The following IL1RAPL1 variants were observed in gnomAD, a reference collection of about 807,000 sequenced individuals.
The protein encoded by IL1RAPL1 is interleukin 1 receptor accessory protein like 1, also known as interleukin-1 receptor accessory protein-like 1.
A neutral mutation model predicts 48.4 loss-of-function variants in IL1RAPL1; 3 were observed. The observed-to-expected ratio is 0.06, with a 90% CI of 0.03 to 0.16. The LOEUF (loss-of-function observed/expected upper bound fraction) is 0.16, where lower values mean the gene tolerates loss of function less well. IL1RAPL1 is among the 10% of genes least tolerant of loss of function. The pLI, the probability that IL1RAPL1 is intolerant of heterozygous loss-of-function variation, is 1.00. For missense variants in IL1RAPL1, 349 were observed against 530.6 expected (o/e 0.66, Z 3.36); for synonymous variants, 185 against 187.7 (o/e 0.99, Z 0.12).
rs760037359 is a variant in IL1RAPL1 at position 29,838,828 on chromosome X, GTTC to G, written c.779-78631_779-78629del. ...AATTTGGGGTGGGCTCAGCCAGGTG[GTTC>G]TTCTGGTTTAGGCCAGGCTCATTTG... is the stretch of plus-strand genomic sequence containing the variant. On this transcript the variant is annotated intron_variant, in intron 6 of 10. Transcript: ENST00000378993. Among the ~76,000 whole-genome samples, 14 of 111,995 alleles carry G rather than the reference GTTC, an allele frequency of 1.3e-4. No individual in the cohort carries two copies. In the South Asian group the frequency reaches 5.3e-3, roughly 42 times the overall value.
At chrX:28,738,047 C>G (rs1328818909) in intron 1 of IL1RAPL1, among the ~76,000 whole-genome samples, 2 of 111,892 alleles carry the variant, frequency 1.8e-5, no homozygotes, top group Non-Finnish European at 3.8e-5. Flanking sequence ...ATTATCCATT[C>G]AGATAATTGC....
chrX:29,720,673 A>G (rs1245862068), intron 6 of IL1RAPL1, among the ~76,000 whole-genome samples: 1 of 111,163 alleles, frequency 9.0e-6, no homozygotes, highest in Non-Finnish European at 1.9e-5. Context: ...TGATGGGTGC[A>G]GCAAACTACC....
At chrX:29,120,589 G>A (rs934589590) in intron 2 of IL1RAPL1, among the ~76,000 whole-genome samples, 2 of 111,274 alleles carry the variant, frequency 1.8e-5, no homozygotes, top group African/African-American at 6.5e-5. Context: ...CTCTGATTTT[G>A]TTCTTTTCAC....
intron 1 of IL1RAPL1, among the ~76,000 whole-genome samples, chrX:28,742,276 A>G (rs1403334793): frequency 9.0e-6 from 1 of 111,495 alleles, no homozygotes; most frequent in Non-Finnish European, 1.9e-5. Context: ...AGCTAATGCC[A>G]GACAAGACGG....
chrX:29,442,914 G>A (rs1934564788), intron 5 of IL1RAPL1, among the ~76,000 whole-genome samples: 1 of 104,441 alleles, frequency 9.6e-6, no homozygotes, highest in African/African-American at 3.5e-5. Context: ...AATAGTTACT[G>A]ATCTTTAGAT....
At chrX:29,747,256 T>C (rs1211376706) in intron 6 of IL1RAPL1, among the ~76,000 whole-genome samples, 2 of 112,361 alleles carry the variant, frequency 1.8e-5, no homozygotes, top group African/African-American at 3.2e-5. Context: ...TCTTACTCCA[T>C]TGTGAATTTC....
intron 6 of IL1RAPL1, among the ~76,000 whole-genome samples, chrX:29,714,995 C>G (rs1226692245): frequency 8.9e-6 from 1 of 112,182 alleles, no homozygotes; most frequent in Non-Finnish European, 1.9e-5. Context: ...TCAGATCATC[C>G]TCTTTCCAGG....
chrX:29,186,072 C>T (rs1036928179), intron 2 of IL1RAPL1, among the ~76,000 whole-genome samples: 3 of 111,908 alleles, frequency 2.7e-5, no homozygotes, highest in Non-Finnish European at 5.6e-5. Flanking sequence ...TAGGTGTTTA[C>T]ATAACAGCCT....
chrX:29,803,594 TGTGTGTATATATACAC>T (rs963988625), intron 6 of IL1RAPL1, among the ~76,000 whole-genome samples: 4 of 102,570 alleles, frequency 3.9e-5, no homozygotes, highest in Non-Finnish European at 6.0e-5. Context: ...TCCATATATG[TGTGTGTATATATACAC>T]GTGTGTATAT....
intron 5 of IL1RAPL1, among the ~76,000 whole-genome samples, chrX:29,403,600 C>A (rs1327700352): frequency 8.9e-6 from 1 of 111,787 alleles, no homozygotes; most frequent in Non-Finnish European, 1.9e-5. Context: ...TGTATAGTAA[C>A]ACATAAACAT....
intron 1 of IL1RAPL1, among the ~76,000 whole-genome samples, chrX:28,690,808 C>G (rs1201960435): frequency 1.8e-5 from 2 of 110,973 alleles, no homozygotes; most frequent in African/African-American, 6.6e-5. Context: ...TAACCATAAT[C>G]ATAATCATAA....
At chrX:29,690,335 T>G (rs1451790559) in intron 6 of IL1RAPL1, among the ~76,000 whole-genome samples, 2 of 111,996 alleles carry the variant, frequency 1.8e-5, no homozygotes, top group Non-Finnish European at 3.8e-5. Flanking sequence ...ATTTGAGAGA[T>G]TCTCTTAAAG....
intron 5 of IL1RAPL1, among the ~76,000 whole-genome samples, chrX:29,621,991 A>T (rs967268608): frequency 5.3e-5 from 6 of 112,267 alleles, no homozygotes; most frequent in African/African-American, 1.9e-4. Context: ...TAGCTCCCAC[A>T]TATGGGTGAG....
At chrX:29,333,177 C>G (rs1297431883) in intron 3 of IL1RAPL1, among the ~76,000 whole-genome samples, 1 of 107,172 alleles carries the variant, frequency 9.3e-6, no homozygotes, top group Non-Finnish European at 2.0e-5. Flanking sequence ...ACCTCCCAGA[C>G]GGGGTCGTGG....
At chrX:29,562,113 C>CT (rs1922244832) in intron 5 of IL1RAPL1, among the ~76,000 whole-genome samples, 1 of 56,996 alleles carries the variant, frequency 1.8e-5, no homozygotes, top group African/African-American at 8.7e-5. Flanking sequence ...ATCTATCTAT[C>CT]TAATCTATCT....
At chrX:29,774,377 T>C (rs11798343) in intron 6 of IL1RAPL1, among the ~76,000 whole-genome samples, 40,849 of 109,770 alleles carry the variant, frequency 0.37, 5,507 homozygotes, top group South Asian at 0.48. Context: ...GTTTCAAAGG[T>C]TAGTTAAGGA....
At chrX:29,048,003 C>G (rs957310614) in intron 2 of IL1RAPL1, among the ~76,000 whole-genome samples, 2 of 111,207 alleles carry the variant, frequency 1.8e-5, no homozygotes, top group Non-Finnish European at 3.8e-5. Context: ...CATTCACTCC[C>G]CTTTCCTTCC....
At chrX:29,568,444 G>A (rs982227851) in intron 5 of IL1RAPL1, among the ~76,000 whole-genome samples, 7 of 110,109 alleles carry the variant, frequency 6.4e-5, no homozygotes, top group African/African-American at 2.0e-4. Context: ...TGTCACAAAC[G>A]AATAATTATA....
At chrX:29,293,281 A>ATTT (rs766351004) in intron 3 of IL1RAPL1, among the ~76,000 whole-genome samples, 2 of 96,703 alleles carry the variant, frequency 2.1e-5, no homozygotes, top group Admixed American at 1.1e-4. Context: ...AAAACAGCCT[A>ATTT]TTTTTTTTTT....
Sources: allele counts gnomAD v4.1 joint callset (sites outside exome capture counted in the v4.1 genomes callset), GRCh38; gene constraint gnomAD v4.1.1; transcripts MANE v1.5; gene names NCBI Gene and HGNC (gene_info 2026-07-23, HGNC 2026-07-21).